TMTC2: variants seen among roughly 807,000 people sequenced by gnomAD.
The protein encoded by TMTC2 is transmembrane O-mannosyltransferase targeting cadherins 2.
In TMTC2, 43 loss-of-function variants were observed where a neutral mutation model predicts 82.4. That is an observed-to-expected ratio of 0.52 (90% CI 0.41 to 0.67). TMTC2 has a LOEUF of 0.67. TMTC2 is among the 30% of genes least tolerant of loss of function. TMTC2 has a pLI of 0.00. For synonymous variants in TMTC2, 408 were observed against 381.9 expected, an observed-to-expected ratio of 1.07 and a Z score of -0.80; for missense variants, 919 against 1,012.4, an observed-to-expected ratio of 0.91 and a Z score of 1.25.
At chr12:82,919,950 A>G (rs1592628120) in intron 3 of TMTC2, among the ~76,000 whole-genome samples, 1 of 152,148 alleles carries the variant, frequency 6.6e-6, no homozygotes, top group Non-Finnish European at 1.5e-5. Flanking sequence ...CCATGGCAAT[A>G]TAGGCTTTTT....
At chr12:82,766,947 C>T (rs1337759047) in intron 1 of TMTC2, among the ~76,000 whole-genome samples, 5 of 152,124 alleles carry the variant, frequency 3.3e-5, no homozygotes, top group African/African-American at 7.2e-5. Context: ...TACAAGTGCA[C>T]GCCACCACAC....
At chr12:83,099,735 A>G (rs1884151288) in intron 11 of TMTC2, among the ~76,000 whole-genome samples, 1 of 149,324 alleles carries the variant, frequency 6.7e-6, no homozygotes, top group African/African-American at 2.5e-5. Flanking sequence ...TTTTTTTTTT[A>G]ACGTTGCTTT....
chr12:82,793,194 G>C (rs1371881044), intron 1 of TMTC2, among the ~76,000 whole-genome samples: 1 of 152,108 alleles, frequency 6.6e-6, no homozygotes, highest in Non-Finnish European at 1.5e-5. Context: ...TGATGCAAGG[G>C]ATAGAACATT....
intron 1 of TMTC2, among the ~76,000 whole-genome samples, chr12:82,801,688 G>A (rs1023034269): frequency 6.6e-6 from 1 of 152,136 alleles, no homozygotes; most frequent in South Asian, 2.1e-4. Context: ...TAGACACAGG[G>A]TGCTGATTGA....
At chr12:82,798,353 C>T (rs1231089186) in intron 1 of TMTC2, among the ~76,000 whole-genome samples, 9 of 150,288 alleles carry the variant, frequency 6.0e-5, no homozygotes, top group South Asian at 2.1e-4. Flanking sequence ...CGGTGGATGG[C>T]GGGCGTGGTG....
At chr12:82,892,455 T>G (rs936220113) in intron 2 of TMTC2, among the ~76,000 whole-genome samples, 2 of 152,184 alleles carry the variant, frequency 1.3e-5, no homozygotes, top group Non-Finnish European at 2.9e-5. Flanking sequence ...CGATAATTAT[T>G]AAGATATAAC....
intron 7 of TMTC2, among the ~76,000 whole-genome samples, chr12:82,973,823 T>C (rs998368783): frequency 1.3e-5 from 2 of 152,210 alleles, no homozygotes; most frequent in African/African-American, 4.8e-5. Context: ...TGTGTAGGTC[T>C]AAATGTCACT....
chr12:82,808,263 A>G (rs1879332610), intron 1 of TMTC2, among the ~76,000 whole-genome samples: 1 of 151,978 alleles, frequency 6.6e-6, no homozygotes, highest in Non-Finnish European at 1.5e-5. Context: ...AGAAAAAGAA[A>G]TATGGTGATA....
rs188792003 is a variant in TMTC2 at position 83,121,694 on chromosome 12, G to A, written c.2332-10516G>A. On this transcript the variant is annotated intron_variant, in intron 11 of 11. Transcript: ENST00000321196. The stretch of plus-strand genomic sequence containing the variant: ...TGTGGTAGTATGGGGAGGAACAGGC[G>A]GTGTGTGGGGCCCTAGAACTCTTAA... Among the ~76,000 whole-genome samples the A allele has an allele frequency of 1.2e-4, 19 of 152,146 alleles. No individual in the cohort carries two copies. The East Asian group carries it at 1.7e-3, about 14-fold the overall frequency.
rs546756928 is a variant in TMTC2, at chr12:82,947,341, T to C, written c.1598+16796T>C. Among the ~76,000 whole-genome samples the C allele has an allele frequency of 9.1e-3, 1,378 of 151,562 alleles. 9 individuals are homozygous for C. Among genetic ancestry groups the C allele is most frequent in the South Asian group, 0.032 (155 of 4,816 alleles). On this transcript the variant is annotated intron_variant, in intron 4 of 11. Transcript: ENST00000321196. ...CAGAGTGCAATTTTTTTTTCTTTTT[T>C]TTTCTTTTTTTTTTTTTTGAGACGG...
chr12:82,757,458 A>C (rs1002287790), intron 1 of TMTC2, among the ~76,000 whole-genome samples: 4 of 152,280 alleles, frequency 2.6e-5, no homozygotes, highest in African/African-American at 9.6e-5. Flanking sequence ...GGACTGGTAG[A>C]TATTTATGTT....
chr12:82,810,676 T>C (rs1172885710), intron 1 of TMTC2, among the ~76,000 whole-genome samples: 1 of 152,070 alleles, frequency 6.6e-6, no homozygotes, highest in Non-Finnish European at 1.5e-5. Context: ...AAATCTCATC[T>C]CGAATTGTAA....
intron 1 of TMTC2, among the ~76,000 whole-genome samples, chr12:82,756,142 A>G (rs61043208): frequency 0.018 from 2,773 of 152,184 alleles, 96 homozygotes; most frequent in African/African-American, 0.063. Context: ...CTTAGTTTTT[A>G]TTTGGGTATG....
In TMTC2 at chr12:83,134,640, G is replaced by A. The variant is rs531507625; in HGVS notation, c.*2251G>A. The A allele has an allele frequency of 6.6e-6, 1 of 152,068 alleles. No individual in the cohort carries two copies. The highest frequency in any genetic ancestry group is 6.5e-5 in the Admixed American group (1 of 15,270). 9.4% of individuals were successfully genotyped at this position (152,068 alleles called of 1,614,324 possible). On this transcript the variant is annotated 3_prime_UTR_variant, in exon 12 of 12. Coordinates refer to ENST00000321196, the MANE Select transcript of TMTC2 (RefSeq NM_152588.3). Reference sequence around the variant, plus strand: ...TTGGGGCAAGGGGGGGTGGGCGTTAGAACATGATCAAAAAATGTCTCCGCT... The same window carrying A: ...TTGGGGCAAGGGGGGGTGGGCGTTAAAACATGATCAAAAAATGTCTCCGCT...
At chr12:82,972,215 G>A (rs953279313) in intron 7 of TMTC2, among the ~76,000 whole-genome samples, 1 of 151,990 alleles carries the variant, frequency 6.6e-6, no homozygotes, top group African/African-American at 2.4e-5. Flanking sequence ...GTGTGATAAT[G>A]GCCCATTGCT....
At chr12:82,979,818 C>T (rs766017247) in intron 7 of TMTC2, among the ~76,000 whole-genome samples, 1 of 151,780 alleles carries the variant, frequency 6.6e-6, no homozygotes, top group East Asian at 1.9e-4. Flanking sequence ...TTGTCTGGGA[C>T]AGTCTATTTC....
At chr12:82,734,632 A>G (rs971576762) in intron 1 of TMTC2, among the ~76,000 whole-genome samples, 1 of 152,194 alleles carries the variant, frequency 6.6e-6, no homozygotes, top group Non-Finnish European at 1.5e-5. Context: ...GTGTCATCTT[A>G]ATATTATGCC....
intron 4 of TMTC2, among the ~76,000 whole-genome samples, chr12:82,931,039 G>A (rs989778510): frequency 3.3e-5 from 5 of 152,044 alleles, no homozygotes; most frequent in African/African-American, 4.8e-5. Context: ...CTCCCAAATA[G>A]CTAAGACTGC....
chr12:82,902,260 C>A (rs1287207707), intron 3 of TMTC2, among the ~76,000 whole-genome samples: 1 of 152,146 alleles, frequency 6.6e-6, no homozygotes, highest in African/African-American at 2.4e-5. Flanking sequence ...TTGGGAGTCC[C>A]CTAAGACTGC....
Sources: gnomAD v4.1 joint callset for allele counts (sites outside exome capture counted in the v4.1 genomes callset) on GRCh38, gnomAD v4.1.1 for gene constraint, MANE v1.5 for transcripts, NCBI Gene and HGNC (gene_info 2026-07-23, HGNC 2026-07-21) for gene names.